Variants in SGCZ observed in about 807,000 individuals in gnomAD.
SGCZ encodes the protein zeta-sarcoglycan.
A neutral mutation model predicts 41.3 loss-of-function variants in SGCZ; 40 were observed. The observed-to-expected ratio is 0.97, with a 90% CI of 0.75 to 1.26. The LOEUF (loss-of-function observed/expected upper bound fraction) is 1.26. SGCZ is among the 50% of genes most tolerant of loss of function. The pLI is 0.00. For synonymous variants in SGCZ, 206 were observed against 137.5 expected (o/e 1.50, Z -3.49); for missense variants, 552 against 369.8 (o/e 1.49, Z -4.04).
intron 1 of SGCZ, among the ~76,000 whole-genome samples, chr8:15,074,260 C>G (rs61648034): frequency 0.012 from 1,784 of 152,138 alleles, 28 homozygotes; most frequent in African/African-American, 0.041. Flanking sequence ...GACGTTAGTC[C>G]AAAATCTTCT....
intron 1 of SGCZ, among the ~76,000 whole-genome samples, chr8:15,072,714 G>A (rs1256255302): frequency 6.6e-6 from 1 of 152,018 alleles, no homozygotes; most frequent in Non-Finnish European, 1.5e-5. Flanking sequence ...GGCCTCCAAA[G>A]GGAAAAGTGA....
intron 1 of SGCZ, among the ~76,000 whole-genome samples, chr8:15,167,347 G>A (rs1376135893): frequency 2.6e-5 from 4 of 152,194 alleles, no homozygotes; most frequent in Non-Finnish European, 4.4e-5. Context: ...CTGGCCTCAC[G>A]TCCTCATCTA....
At chr8:14,603,142 G>A (rs1439177037) in intron 1 of SGCZ, among the ~76,000 whole-genome samples, 2 of 152,114 alleles carry the variant, frequency 1.3e-5, no homozygotes, top group East Asian at 1.9e-4. Flanking sequence ...ATGAGATACT[G>A]CCACATATAG....
chr8:14,305,165 T>G (rs1801310834), intron 3 of SGCZ, among the ~76,000 whole-genome samples: 1 of 152,154 alleles, frequency 6.6e-6, no homozygotes, highest in Admixed American at 6.5e-5. Flanking sequence ...TTAAGTCAAA[T>G]GTTAAGTCTT....
chr8:14,280,335 T>TAA (rs1192345452), intron 3 of SGCZ, among the ~76,000 whole-genome samples: 2 of 151,884 alleles, frequency 1.3e-5, no homozygotes, highest in Non-Finnish European at 2.9e-5. Flanking sequence ...GTCATATATA[T>TAA]AACAGCAGAG....
intron 1 of SGCZ, among the ~76,000 whole-genome samples, chr8:14,783,467 A>T (rs1003848270): frequency 3.9e-5 from 6 of 152,088 alleles, no homozygotes; most frequent in African/African-American, 1.4e-4. Flanking sequence ...AAGGAAAAAA[A>T]AAGTAGTAGA....
intron 4 of SGCZ, among the ~76,000 whole-genome samples, chr8:14,202,297 C>T (rs1237974581): frequency 6.6e-6 from 1 of 152,098 alleles, no homozygotes; most frequent in African/African-American, 2.4e-5. Context: ...AAAAGTTTGT[C>T]CTCCACAATT....
chr8:15,119,430 T>C (rs1232269317), intron 1 of SGCZ, among the ~76,000 whole-genome samples: 1 of 151,482 alleles, frequency 6.6e-6, no homozygotes, highest in Non-Finnish European at 1.5e-5. Flanking sequence ...CTCAGGAAGC[T>C]GAAGTGGGAG....
At position 14,732,944 on chromosome 8, in the gene SGCZ, T is replaced by A. The variant is rs895827083; in HGVS notation, c.40-178018A>T. ...CAAAGTATTACCTACAAAATAAGAT[T>A]CGCATTGATTATACATTAGTTTATC... On this transcript the variant is annotated intron_variant, in intron 1 of 7. Transcript: ENST00000382080. 1.1e-3 allele frequency among the ~76,000 whole-genome samples: 175 copies of A among 152,184 alleles called. 3 individuals carry two copies. Among genetic ancestry groups the A allele is most frequent in the African/African-American group, 4.1e-3 (169 of 41,528 alleles).
chr8:14,896,146 A>T (rs1018495937), intron 1 of SGCZ, among the ~76,000 whole-genome samples: 1 of 152,160 alleles, frequency 6.6e-6, no homozygotes, highest in African/African-American at 2.4e-5. Flanking sequence ...TGGGTAGGTG[A>T]GTTACATTTT....
intron 1 of SGCZ, among the ~76,000 whole-genome samples, chr8:14,641,669 G>A (rs1172077890): frequency 6.6e-6 from 1 of 151,544 alleles, no homozygotes; most frequent in East Asian, 1.9e-4. Context: ...TAAAATACAT[G>A]ATTTTCTGTT....
chr8:14,867,936 G>T (rs1473181703), intron 1 of SGCZ, among the ~76,000 whole-genome samples: 1 of 149,820 alleles, frequency 6.7e-6, no homozygotes, highest in African/African-American at 2.5e-5. Context: ...AAAAAAGCCT[G>T]AAGAAGGCAT....
At chr8:14,635,992 A>G (rs1806815879) in intron 1 of SGCZ, among the ~76,000 whole-genome samples, 1 of 151,928 alleles carries the variant, frequency 6.6e-6, no homozygotes, top group African/African-American at 2.4e-5. Context: ...AGGTTTGGTT[A>G]ATCAAAAGAG....
At chr8:15,185,508 C>T (rs901789834) in intron 1 of SGCZ, among the ~76,000 whole-genome samples, 43 of 152,264 alleles carry the variant, frequency 2.8e-4, no homozygotes, top group African/African-American at 8.7e-4. Flanking sequence ...TATATCTACT[C>T]ACTTGATATA....
chr8:14,287,710 C>A (rs1318250033), intron 3 of SGCZ, among the ~76,000 whole-genome samples: 1 of 151,812 alleles, frequency 6.6e-6, no homozygotes, highest in Non-Finnish European at 1.5e-5. Context: ...CTTCAGGTTC[C>A]CCCATTATCC....
intron 1 of SGCZ, among the ~76,000 whole-genome samples, chr8:15,191,801 A>T (rs117686846): frequency 6.6e-6 from 1 of 152,090 alleles, no homozygotes; most frequent in Admixed American, 6.5e-5. Flanking sequence ...TTAAACTTCA[A>T]CTCAGTCCTA....
chr8:14,205,303 T>A (rs1186346440), intron 4 of SGCZ, among the ~76,000 whole-genome samples: 1 of 152,158 alleles, frequency 6.6e-6, no homozygotes, highest in Admixed American at 6.6e-5. Context: ...TTAGGCAATG[T>A]TCTCTAGGGT....
At chr8:14,856,123 T>A (rs529298797) in intron 1 of SGCZ, among the ~76,000 whole-genome samples, 1 of 152,320 alleles carries the variant, frequency 6.6e-6, no homozygotes, top group Non-Finnish European at 1.5e-5. Context: ...GGATTAAGGA[T>A]GGTGGCTAGG....
At chr8:15,034,570 A>C (rs1021392421) in intron 1 of SGCZ, among the ~76,000 whole-genome samples, 2 of 152,226 alleles carry the variant, frequency 1.3e-5, no homozygotes, top group African/African-American at 4.8e-5. Context: ...AAAACTTTCA[A>C]ATCTGAAGAA....
Sources: gnomAD v4.1 joint callset for allele counts (sites outside exome capture counted in the v4.1 genomes callset) on GRCh38, gnomAD v4.1.1 for gene constraint, MANE v1.5 for transcripts, NCBI Gene and HGNC (gene_info 2026-07-23, HGNC 2026-07-21) for gene names.